The following MGAT4C variants were observed in gnomAD, a reference collection of about 807,000 sequenced individuals.
MGAT4C encodes the protein MGAT4 family member C.
A neutral mutation model predicts 40.1 loss-of-function variants in MGAT4C; 19 were observed. The observed-to-expected ratio is 0.47, with a 90% CI of 0.33 to 0.70. The LOEUF (loss-of-function observed/expected upper bound fraction) is 0.70, where lower values mean the gene tolerates loss of function less well. Among genes scored for constraint, MGAT4C ranks in the 30% least tolerant of loss-of-function variants. The probability of loss-of-function intolerance (pLI) is 0.02; values close to 1 mark genes in which losing one functional copy is unlikely to be tolerated. For synonymous variants in MGAT4C, 181 were observed against 187.1 expected (o/e 0.97, Z 0.27); for missense variants, 491 against 563.2 (o/e 0.87, Z 1.30).
chr12:86,567,645 A>G (rs1011582270), intron 2 of MGAT4C, among the ~76,000 whole-genome samples: 2 of 152,174 alleles, frequency 1.3e-5, no homozygotes, highest in Non-Finnish European at 2.9e-5. Flanking sequence ...GGGTCACTCC[A>G]CCAGGTAAAA....
intron 3 of MGAT4C, among the ~76,000 whole-genome samples, chr12:86,363,498 C>T (rs1277729757): frequency 1.3e-5 from 2 of 151,906 alleles, no homozygotes; most frequent in East Asian, 3.9e-4. Flanking sequence ...TGAATGCTTA[C>T]ATTAGAAAAG....
intron 2 of MGAT4C, among the ~76,000 whole-genome samples, chr12:86,670,012 GA>G (rs1283818074): frequency 6.9e-6 from 1 of 145,216 alleles, no homozygotes; most frequent in Non-Finnish European, 1.5e-5. Flanking sequence ...GAAAGGGAAA[GA>G]AAAAAGAAAA....
chr12:86,164,748 T>A (rs1312406377), intron 1 of MGAT4C, among the ~76,000 whole-genome samples: 2 of 152,026 alleles, frequency 1.3e-5, no homozygotes, highest in Non-Finnish European at 2.9e-5. Context: ...TTGAAAAAAA[T>A]GCTACTGTTG....
At chr12:86,686,668 C>A (rs1310750734) in intron 2 of MGAT4C, among the ~76,000 whole-genome samples, 1 of 152,186 alleles carries the variant, frequency 6.6e-6, no homozygotes, top group East Asian at 1.9e-4. Context: ...ACCAGCCTTG[C>A]ATCCCAGGGA....
chr12:86,807,013 A>G (rs1566003404), intron 1 of MGAT4C, among the ~76,000 whole-genome samples: 1 of 151,156 alleles, frequency 6.6e-6, no homozygotes, highest in Non-Finnish European at 1.5e-5. Context: ...AATAAAAAGT[A>G]TATATATAAA....
intron 1 of MGAT4C, among the ~76,000 whole-genome samples, chr12:86,133,560 T>C (rs1881540040): frequency 6.6e-6 from 1 of 152,224 alleles, no homozygotes; most frequent in Non-Finnish European, 1.5e-5. Context: ...GTTACTTCAC[T>C]GGATTAATAA....
At chr12:86,238,534 A>G (rs2136036518) in intron 1 of MGAT4C, among the ~76,000 whole-genome samples, 1 of 152,196 alleles carries the variant, frequency 6.6e-6, no homozygotes, top group Non-Finnish European at 1.5e-5. Flanking sequence ...GGAAGCTCTA[A>G]TGTACTGGAA....
At chr12:86,061,036 C>T (rs773952978) in intron 1 of MGAT4C, among the ~76,000 whole-genome samples, 8 of 152,160 alleles carry the variant, frequency 5.3e-5, no homozygotes, top group Non-Finnish European at 1.2e-4. Flanking sequence ...TGGTTAGGTG[C>T]TTCACTTTCA....
At chr12:86,116,769 T>C (rs1194913251) in intron 1 of MGAT4C, among the ~76,000 whole-genome samples, 1 of 152,066 alleles carries the variant, frequency 6.6e-6, no homozygotes, top group East Asian at 1.9e-4. Context: ...AAGAAATCTC[T>C]CCAGAGGTAA....
At chr12:86,376,532 A>G (rs1239112097) in intron 3 of MGAT4C, among the ~76,000 whole-genome samples, 2 of 152,132 alleles carry the variant, frequency 1.3e-5, no homozygotes, top group East Asian at 3.8e-4. Flanking sequence ...TAGAATCCCA[A>G]TGAATATTTG....
At chr12:86,768,673 T>C (rs964547402) in intron 1 of MGAT4C, among the ~76,000 whole-genome samples, 74 of 152,096 alleles carry the variant, frequency 4.9e-4, no homozygotes, top group African/African-American at 1.6e-3. Context: ...AACAGAGATA[T>C]AGATCAATGG....
At chr12:86,397,591 G>A (rs1209323219) in intron 3 of MGAT4C, among the ~76,000 whole-genome samples, 1 of 151,844 alleles carries the variant, frequency 6.6e-6, no homozygotes, top group Non-Finnish European at 1.5e-5. Flanking sequence ...TTTATTAGCT[G>A]TTTATCCCTG....
chr12:86,363,954 A>ACTCT (rs762469045), intron 3 of MGAT4C, among the ~76,000 whole-genome samples: 2 of 99,302 alleles, frequency 2.0e-5, no homozygotes, highest in African/African-American at 6.9e-5. Context: ...TCTCTTTCTC[A>ACTCT]CTCTCTCTCT....
At chr12:86,737,357 T>TTC (rs1348932372) in intron 1 of MGAT4C, among the ~76,000 whole-genome samples, 1 of 150,506 alleles carries the variant, frequency 6.6e-6, no homozygotes, top group African/African-American at 2.4e-5. Context: ...TTTTTTTTTT[T>TTC]TTTTAACTTG....
chr12:86,777,429 T>C (rs1364467912), intron 1 of MGAT4C, among the ~76,000 whole-genome samples: 1 of 152,206 alleles, frequency 6.6e-6, no homozygotes, highest in African/African-American at 2.4e-5. Context: ...TTATCAGAAT[T>C]GGACTGGTTT....
chr12:86,815,861 G>T (rs999651585), intron 1 of MGAT4C, among the ~76,000 whole-genome samples: 8 of 135,284 alleles, frequency 5.9e-5, no homozygotes, highest in Non-Finnish European at 9.4e-5. Flanking sequence ...GAGTGGTGGG[G>T]GGGCAAGGGA....
chr12:86,049,430 T>C (rs1028083657), intron 2 of MGAT4C, among the ~76,000 whole-genome samples: 5 of 152,024 alleles, frequency 3.3e-5, no homozygotes, highest in Non-Finnish European at 7.4e-5. Flanking sequence ...GGTTAACACA[T>C]TTCCAAGTTT....
intron 3 of MGAT4C, among the ~76,000 whole-genome samples, chr12:86,408,448 A>ACTCT (rs1174416641): frequency 0.055 from 1,578 of 28,846 alleles, 55 homozygotes; most frequent in Non-Finnish European, 0.067. Flanking sequence ...TACATAGTAA[A>ACTCT]CTCTCTCTCT....
chr12:86,332,605 A>G (rs1440281339), intron 4 of MGAT4C, among the ~76,000 whole-genome samples: 2 of 152,068 alleles, frequency 1.3e-5, no homozygotes, highest in Non-Finnish European at 2.9e-5. Context: ...CACAGTAAAA[A>G]GCCATATCGT....
Sources: gnomAD v4.1 joint callset for allele counts (sites outside exome capture counted in the v4.1 genomes callset) on GRCh38, gnomAD v4.1.1 for gene constraint, MANE v1.5 for transcripts, NCBI Gene and HGNC (gene_info 2026-07-23, HGNC 2026-07-21) for gene names.